GABRG3: variants seen among roughly 807,000 people sequenced by gnomAD.
The protein encoded by GABRG3 is gamma-aminobutyric acid receptor subunit gamma-3.
In GABRG3, 25 loss-of-function variants were observed where a neutral mutation model predicts 48.8. The ratio of observed to expected loss-of-function variants is 0.51; its 90% CI spans 0.37 to 0.72. The LOEUF is 0.72. GABRG3 is among the 30% of genes least tolerant of loss of function. The pLI is 0.00. For missense variants in GABRG3, 394 were observed against 577.9 expected (o/e 0.68, Z 3.26); for synonymous variants, 227 against 217.6 (o/e 1.04, Z -0.38).
At position 27,355,984 on chromosome 15, in the gene GABRG3, A is replaced by G. The variant is rs538279027; in HGVS notation, c.574+27096A>G. On this transcript the variant is annotated intron_variant, in intron 5 of 9. Transcript: ENST00000615808. ...TGGGGAATGGGGAATGATACCTAAA[A>G]GGCACAGATAGGGTTGTTTTTTGGA... is the stretch of plus-strand genomic sequence containing the variant. Among the ~76,000 whole-genome samples the G allele has an allele frequency of 1.5e-4, 23 of 152,306 alleles. 1 individual carries two copies. The highest frequency in any genetic ancestry group is 5.5e-4 in the African/African-American group (23 of 41,562).
At chr15:27,335,365 A>G (rs1315572883) in intron 5 of GABRG3, among the ~76,000 whole-genome samples, 2 of 152,222 alleles carry the variant, frequency 1.3e-5, no homozygotes, top group African/African-American at 2.4e-5. Context: ...AGCAATGCAC[A>G]AAGATTTTAG....
intron 3 of GABRG3, among the ~76,000 whole-genome samples, chr15:27,267,721 G>T (rs999241646): frequency 6.6e-6 from 1 of 151,876 alleles, no homozygotes; most frequent in Non-Finnish European, 1.5e-5. Context: ...TTTACTGAGA[G>T]TTTTTTTTAA....
intron 6 of GABRG3, among the ~76,000 whole-genome samples, chr15:27,500,948 G>A (rs1324198731): frequency 2.4e-5 from 3 of 124,704 alleles, no homozygotes; most frequent in Admixed American, 8.3e-5. Flanking sequence ...AGGAAGTAAC[G>A]TATGTTTTTT....
chr15:27,326,504 G>T (rs1445059071), intron 3 of GABRG3, among the ~76,000 whole-genome samples: 1 of 152,144 alleles, frequency 6.6e-6, no homozygotes, highest in African/African-American at 2.4e-5. Flanking sequence ...TTGGACTTGG[G>T]AGCCTAGGGT....
intron 3 of GABRG3, among the ~76,000 whole-genome samples, chr15:27,248,909 C>T (rs953679845): frequency 2.6e-5 from 4 of 151,330 alleles, no homozygotes; most frequent in Non-Finnish European, 4.4e-5. Context: ...GTACCATGAA[C>T]GGGGGATTCT....
chr15:27,155,012 T>A (rs1898392667), intron 3 of GABRG3, among the ~76,000 whole-genome samples: 1 of 152,122 alleles, frequency 6.6e-6, no homozygotes, highest in African/African-American at 2.4e-5. Flanking sequence ...TTCCTGGACT[T>A]CCATGACACA....
chr15:27,314,165 T>C (rs922983248), intron 3 of GABRG3, among the ~76,000 whole-genome samples: 2 of 152,018 alleles, frequency 1.3e-5, no homozygotes, highest in Non-Finnish European at 2.9e-5. Flanking sequence ...ACAAAGGAAA[T>C]GATCAACAGA....
At chr15:27,053,124 C>T (rs1036100107) in intron 3 of GABRG3, among the ~76,000 whole-genome samples, 1 of 152,156 alleles carries the variant, frequency 6.6e-6, no homozygotes, top group Non-Finnish European at 1.5e-5. Context: ...ATGGCTAAGT[C>T]CTCAAAAGCA....
At chr15:27,330,344 A>G (rs923402669) in intron 5 of GABRG3, among the ~76,000 whole-genome samples, 2 of 152,266 alleles carry the variant, frequency 1.3e-5, no homozygotes, top group Non-Finnish European at 2.9e-5. Context: ...TGAATGTTAT[A>G]GATTTTTCCC....
intron 3 of GABRG3, among the ~76,000 whole-genome samples, chr15:27,313,075 A>AG (rs1478845779): frequency 2.7e-5 from 4 of 149,250 alleles, no homozygotes; most frequent in Admixed American, 1.3e-4. Flanking sequence ...AAAAGAGAGC[A>AG]GGGGTGGCTA....
chr15:27,332,127 A>G (rs1032991659), intron 5 of GABRG3, among the ~76,000 whole-genome samples: 6 of 152,238 alleles, frequency 3.9e-5, no homozygotes, highest in African/African-American at 1.4e-4. Flanking sequence ...GTGATGGAGG[A>G]TACTTGCATC....
At chr15:27,434,379 C>T (rs1351025268) in intron 5 of GABRG3, among the ~76,000 whole-genome samples, 1 of 152,190 alleles carries the variant, frequency 6.6e-6, no homozygotes, top group Non-Finnish European at 1.5e-5. Context: ...AAACGTTTAA[C>T]TTACACAAAG....
At chr15:27,091,379 G>A (rs918281486) in intron 3 of GABRG3, among the ~76,000 whole-genome samples, 1 of 152,168 alleles carries the variant, frequency 6.6e-6, no homozygotes, top group Non-Finnish European at 1.5e-5. Context: ...CAGTTTGCTA[G>A]CATTGTGTTA....
Position 27,074,442 on chromosome 15 carries a change from C to T in GABRG3, c.270+47621C>T, listed in dbSNP as rs952582453. On this transcript the variant is annotated intron_variant, in intron 3 of 9. Coordinates refer to ENST00000615808, the MANE Select transcript of GABRG3 (RefSeq NM_033223.5). ...CTGCTGGCTAGAAGCATGTCTCACACGCTGCCCACGCTCAGTGCAAGGGAC... is the reference window on the plus strand; with the variant it reads ...CTGCTGGCTAGAAGCATGTCTCACATGCTGCCCACGCTCAGTGCAAGGGAC... Among the ~76,000 whole-genome samples, 6 of 151,786 alleles carry T rather than the reference C, an allele frequency of 4.0e-5. No homozygotes were observed. The East Asian group carries it at 7.9e-4, about 20-fold the overall frequency.
At chr15:27,241,635 A>G (rs939738435) in intron 3 of GABRG3, among the ~76,000 whole-genome samples, 1 of 152,138 alleles carries the variant, frequency 6.6e-6, no homozygotes, top group African/African-American at 2.4e-5. Flanking sequence ...TTTCCATTTA[A>G]ATGTTTCTCT....
At chr15:27,151,736 G>A (rs1470392650) in intron 3 of GABRG3, among the ~76,000 whole-genome samples, 1 of 152,140 alleles carries the variant, frequency 6.6e-6, no homozygotes, top group East Asian at 1.9e-4. Context: ...ATGGAAGAAG[G>A]AGACCCTGAC....
At chr15:27,003,413 T>C (rs1337572307) in intron 2 of GABRG3, among the ~76,000 whole-genome samples, 2 of 150,628 alleles carry the variant, frequency 1.3e-5, no homozygotes, top group African/African-American at 4.9e-5. Flanking sequence ...GATTAGGGAG[T>C]GGTGATGACT....
At chr15:27,053,089 G>T (rs189502552) in intron 3 of GABRG3, among the ~76,000 whole-genome samples, 84 of 152,274 alleles carry the variant, frequency 5.5e-4, no homozygotes, top group African/African-American at 1.8e-3. Context: ...ATACCCTTCT[G>T]GATATTGGCC....
chr15:27,042,336 C>T (rs1030333698), intron 3 of GABRG3, among the ~76,000 whole-genome samples: 1 of 152,246 alleles, frequency 6.6e-6, no homozygotes, highest in Non-Finnish European at 1.5e-5. Flanking sequence ...GGAGCTGGGG[C>T]CTCCCCTGCC....
Sources: allele counts gnomAD v4.1 joint callset (sites outside exome capture counted in the v4.1 genomes callset), GRCh38; gene constraint gnomAD v4.1.1; transcripts MANE v1.5; gene names NCBI Gene and HGNC (gene_info 2026-07-23, HGNC 2026-07-21).